GPM6A: variants seen among roughly 807,000 people sequenced by gnomAD.
GPM6A encodes neuronal membrane glycoprotein M6-a.
In GPM6A, 7 loss-of-function variants were observed where a neutral mutation model predicts 32.1. The ratio of observed to expected loss-of-function variants is 0.22; its 90% confidence interval spans 0.12 to 0.41. The LOEUF (loss-of-function observed/expected upper bound fraction) is 0.41, where lower values mean the gene tolerates loss of function less well. Ranked by LOEUF, GPM6A falls within the 10% of genes least tolerant of loss-of-function variation. The pLI, the probability that GPM6A is intolerant of heterozygous loss-of-function variation, is 1.00. For missense variants in GPM6A, 235 were observed against 347.2 expected (o/e 0.68, Z 2.57); for synonymous variants, 130 against 123.4 (o/e 1.05, Z -0.35).
intron 1 of GPM6A, among the ~76,000 whole-genome samples, chr4:175,857,619 G>T (rs774674438): frequency 3.9e-5 from 6 of 151,928 alleles, no homozygotes; most frequent in African/African-American, 1.5e-4. Flanking sequence ...TCTGAATTCC[G>T]TAATACTTTC....
At chr4:175,860,750 C>G (rs142450332) in intron 1 of GPM6A, among the ~76,000 whole-genome samples, 1 of 152,156 alleles carries the variant, frequency 6.6e-6, no homozygotes, top group African/African-American at 2.4e-5. Flanking sequence ...CTCTTCCTCC[C>G]ATGCAGTGCC....
Position 175,689,175 on chromosome 4 carries a change from A to T in GPM6A, c.230+12400T>A, listed in dbSNP as rs867452157. 2.0e-5 allele frequency among the ~76,000 whole-genome samples: 3 copies of T among 152,132 alleles called. No homozygotes were observed. In the East Asian group the frequency reaches 5.8e-4, roughly 29 times the overall value. On this transcript the variant is annotated intron_variant, in intron 2 of 6. Transcript: ENST00000393658. ...TTCACTTTTATTCTTCTTTCTCAAG[A>T]TTGTTTTGACTATTTGGAGCCCTTT...
intron 1 of GPM6A, among the ~76,000 whole-genome samples, chr4:175,915,600 C>A (rs746115919): frequency 6.6e-6 from 1 of 152,062 alleles, no homozygotes; most frequent in Non-Finnish European, 1.5e-5. Flanking sequence ...AGACCAATCA[C>A]CCTGTAGAAA....
intron 1 of GPM6A, among the ~76,000 whole-genome samples, chr4:175,897,557 A>G (rs554921833): frequency 6.6e-6 from 1 of 152,256 alleles, no homozygotes; most frequent in East Asian, 1.9e-4. Context: ...CTACTCATTT[A>G]TTGCACAATG....
chr4:175,865,943 C>T (rs1560970864), intron 1 of GPM6A, among the ~76,000 whole-genome samples: 1 of 152,056 alleles, frequency 6.6e-6, no homozygotes, highest in Admixed American at 6.6e-5. Context: ...CCATTTGAAC[C>T]TAGAATTTTC....
chr4:175,666,401 A>G (rs970642983), intron 3 of GPM6A, among the ~76,000 whole-genome samples: 1 of 152,198 alleles, frequency 6.6e-6, no homozygotes, highest in Non-Finnish European at 1.5e-5. Flanking sequence ...ATGGAGTCTC[A>G]ATATGTTGTG....
At chr4:175,931,269 C>A (rs771663638) in intron 1 of GPM6A, among the ~76,000 whole-genome samples, 12 of 152,038 alleles carry the variant, frequency 7.9e-5, no homozygotes, top group Non-Finnish European at 1.6e-4. Flanking sequence ...ATTAGATAAA[C>A]CCTACTAAAG....
At chr4:175,847,382 GT>G (rs1231516375) in intron 1 of GPM6A, among the ~76,000 whole-genome samples, 2 of 152,162 alleles carry the variant, frequency 1.3e-5, no homozygotes, top group Non-Finnish European at 2.9e-5. Context: ...CAATTCATAA[GT>G]TTTAAATCGT....
At chr4:175,677,780 T>C (rs1198152730) in intron 2 of GPM6A, among the ~76,000 whole-genome samples, 1 of 151,966 alleles carries the variant, frequency 6.6e-6, no homozygotes, top group Non-Finnish European at 1.5e-5. Flanking sequence ...AAAGAACTTA[T>C]AAACAAAAAG....
intron 6 of GPM6A, among the ~76,000 whole-genome samples, chr4:175,638,316 C>A (rs914612826): frequency 2.0e-5 from 3 of 151,822 alleles, no homozygotes; most frequent in African/African-American, 7.3e-5. Flanking sequence ...TCTCCCAAGA[C>A]CTACATCATT....
chr4:175,653,664 C>T (rs138420915), intron 3 of GPM6A, among the ~76,000 whole-genome samples: 1 of 152,122 alleles, frequency 6.6e-6, no homozygotes, highest in African/African-American at 2.4e-5. Context: ...TTATTTTAGT[C>T]TTGCTGAACA....
At position 175,819,442 on chromosome 4, in the gene GPM6A, G is replaced by C. The variant is rs189544345; in HGVS notation, c.-22-7193C>G. Among the ~76,000 whole-genome samples, 309 of 152,110 alleles carry C rather than the reference G, an allele frequency of 2.0e-3. 3 individuals are homozygous for C. Among genetic ancestry groups the C allele is most frequent in the African/African-American group, 7.2e-3 (298 of 41,466 alleles). The stretch of plus-strand genomic sequence containing the variant: ...GATGGAAGAGAGAGACAAACAATTG[G>C]AACAAAGTATGATAGGTGCAATTAT... On this transcript the variant is annotated intron_variant, in intron 1 of 7. Coordinates refer to the GPM6A transcript ENST00000280187.
intron 1 of GPM6A, among the ~76,000 whole-genome samples, chr4:175,994,074 A>T (rs1355617890): frequency 1.3e-5 from 2 of 152,202 alleles, no homozygotes; most frequent in Non-Finnish European, 2.9e-5. Context: ...GACCAAAGGG[A>T]CAGCTAGGTG....
chr4:175,667,920 T>C (rs1374761895), intron 3 of GPM6A, among the ~76,000 whole-genome samples: 2 of 152,144 alleles, frequency 1.3e-5, no homozygotes, highest in African/African-American at 2.4e-5. Context: ...AGAAGTTATT[T>C]TTATTTTAAT....
chr4:175,941,937 T>A (rs567260843), intron 1 of GPM6A, among the ~76,000 whole-genome samples: 2 of 152,320 alleles, frequency 1.3e-5, no homozygotes, highest in Admixed American at 1.3e-4. Context: ...TGGTTCTAGA[T>A]CCTAGAGGAA....
intron 1 of GPM6A, among the ~76,000 whole-genome samples, chr4:175,789,340 C>T (rs1441343110): frequency 6.6e-6 from 1 of 152,192 alleles, no homozygotes; most frequent in Non-Finnish European, 1.5e-5. Context: ...AATATCAGCA[C>T]ACTAATAAGA....
chr4:175,903,956 T>C (rs1361690913), intron 1 of GPM6A, among the ~76,000 whole-genome samples: 2 of 152,120 alleles, frequency 1.3e-5, no homozygotes, highest in Non-Finnish European at 2.9e-5. Context: ...TCAGAGAATG[T>C]CCTTCTGGGG....
intron 3 of GPM6A, among the ~76,000 whole-genome samples, chr4:175,657,740 A>G (rs959648096): frequency 3.5e-4 from 54 of 152,136 alleles, no homozygotes; most frequent in African/African-American, 1.3e-3. Context: ...ATAATATAGG[A>G]CATTTAACAA....
intron 1 of GPM6A, among the ~76,000 whole-genome samples, chr4:175,750,016 T>A (rs1194554459): frequency 2.0e-5 from 3 of 152,122 alleles, no homozygotes; most frequent in Admixed American, 6.6e-5. Context: ...ATTCCACAAC[T>A]GCATTCTGTT....
Sources: allele counts gnomAD v4.1 joint callset (sites outside exome capture counted in the v4.1 genomes callset), GRCh38; gene constraint gnomAD v4.1.1; transcripts MANE v1.5; gene names NCBI Gene and HGNC (gene_info 2026-07-23, HGNC 2026-07-21).